The following CAMK2B variants were observed in gnomAD, a reference collection of about 807,000 sequenced individuals.
CAMK2B encodes calcium/calmodulin dependent protein kinase II beta.
Under a neutral mutation model 93.7 loss-of-function variants are expected in CAMK2B, and 27 were observed. That is an observed-to-expected ratio of 0.29 (90% CI 0.21 to 0.40). The LOEUF is 0.40. Among genes scored for constraint, CAMK2B ranks in the 10% least tolerant of loss-of-function variants. The pLI is 1.00. For synonymous variants in CAMK2B, 374 were observed against 358.8 expected (o/e 1.04, Z -0.48); for missense variants, 568 against 895.8 (o/e 0.63, Z 4.67).
intron 5 of CAMK2B, among the ~76,000 whole-genome samples, chr7:44,251,749 C>T (rs1305512199): frequency 6.6e-6 from 1 of 152,208 alleles, no homozygotes; most frequent in Non-Finnish European, 1.5e-5. Flanking sequence ...CCCCATACAC[C>T]AGGGGTGCCC....
intron 10 of CAMK2B, 109 bp downstream of exon 10, chr7:44,242,109 C>T: frequency 7.4e-7 from 1 of 1,352,148 alleles, no homozygotes; most frequent in Non-Finnish European, 1.0e-6. Flanking sequence ...CCCAAGGGAG[C>T]TCTTGGATGT....
intron 13 of CAMK2B, among the ~76,000 whole-genome samples, chr7:44,238,598 C>T (rs1461044445): frequency 6.6e-6 from 1 of 152,226 alleles, no homozygotes; most frequent in Admixed American, 6.5e-5. Context: ...AAGGAGGGTT[C>T]TCTGGCTGGG....
Position 44,228,806 on chromosome 7 carries a change from C to T in CAMK2B, c.1458G>A (p.Leu486=). The T allele has an allele frequency of 6.6e-7, 1 of 1,504,098 alleles. No individual in the cohort carries two copies. Among genetic ancestry groups the T allele is most frequent in the South Asian group, 1.3e-5 (1 of 74,684 alleles). 93.2% of individuals were successfully genotyped at this position (1,504,098 alleles called of 1,614,324 possible). A position where few individuals can be genotyped will look rare whatever the true frequency, so the allele number is the denominator to read the frequency against. The change falls in exon 19 of 24, where the codon CTG becomes CTA. Residue 486 remains leucine (L), a synonymous_variant. Coordinates refer to ENST00000395749, the MANE Select transcript of CAMK2B (RefSeq NM_001220.5). ...PCLSPALLGP[L]SSPSPRISDI... is the part of the protein sequence containing the mutation. ...GGGGCCACTACTTACACGGGGAGGA[C>T]AGGGGGCCTAGGAGAGCCGGAGACA...
At chr7:44,300,783 C>G (rs1789765337) in intron 1 of CAMK2B, among the ~76,000 whole-genome samples, 1 of 152,170 alleles carries the variant, frequency 6.6e-6, no homozygotes, top group African/African-American at 2.4e-5. Flanking sequence ...TCAACTGGCT[C>G]TAACAGACAT....
chr7:44,268,875 A>G (rs2096944386), intron 2 of CAMK2B: 1 of 152,314 alleles, frequency 6.6e-6, no homozygotes, highest in African/African-American at 2.4e-5. Context: ...CACCTGCCAC[A>G]TGCCAGGCAC....
chr7:44,243,467 C>T lies in CAMK2B; in HGVS notation c.475G>A (p.Gly159Ser). 1 of 1,614,130 alleles carries T rather than the reference C, an allele frequency of 6.2e-7. No individual in the cohort carries two copies. The highest frequency in any genetic ancestry group is 8.5e-7 in the Non-Finnish European group (1 of 1,180,012). The stretch of plus-strand genomic sequence containing the variant: ...TCCCCCTGCACCTCGATAGCTAGGC[C>T]GAAGTCTGCCAGCTTCACTGCAGCC... Reference protein sequence around the residue: ...KGAAVKLADFGLAIEVQGDQQ... With the variant: ...KGAAVKLADFSLAIEVQGDQQ... Residue 159 changes from glycine (G) to serine (S), a missense_variant, in exon 7 of 24, where the codon GGC becomes AGC. Physicochemically the swap from Gly to Ser is moderately conservative, Grantham distance 56 (BLOSUM62 0). Transcript: ENST00000395749.
chr7:44,300,098 GC>G (rs1475813695), intron 1 of CAMK2B, among the ~76,000 whole-genome samples: 1 of 150,066 alleles, frequency 6.7e-6, no homozygotes, highest in Non-Finnish European at 1.5e-5. Context: ...TGTCACCCAG[GC>G]TGGAATGCAG....
At chr7:44,287,157 T>C (rs1785356114) in intron 1 of CAMK2B, among the ~76,000 whole-genome samples, 1 of 152,034 alleles carries the variant, frequency 6.6e-6, no homozygotes, top group South Asian at 2.1e-4. Flanking sequence ...ACACCACTGC[T>C]CCCTGCGCCC....
At chr7:44,250,219 TC>T (rs565785485) in intron 5 of CAMK2B, among the ~76,000 whole-genome samples, 19 of 152,334 alleles carry the variant, frequency 1.2e-4, no homozygotes, top group African/African-American at 4.3e-4. Context: ...GGACCTGTCC[TC>T]ATATTGCCCT....
intron 22 of CAMK2B, 126 bp downstream of exon 22, chr7:44,220,490 C>T: frequency 1.1e-6 from 1 of 922,708 alleles, no homozygotes; most frequent in Admixed American, 2.7e-5. Context: ...GGAGAGGTGG[C>T]TGGCCAACCC....
intron 20 of CAMK2B, among the ~76,000 whole-genome samples, chr7:44,221,761 C>T (rs999780672): frequency 1.3e-5 from 2 of 152,244 alleles, no homozygotes; most frequent in African/African-American, 4.8e-5. Flanking sequence ...CATGCTGGTC[C>T]TCACTGGCCT....
intron 13 of CAMK2B, among the ~76,000 whole-genome samples, chr7:44,237,487 C>A (rs923954499): frequency 2.0e-5 from 3 of 152,250 alleles, no homozygotes; most frequent in Non-Finnish European, 4.4e-5. Flanking sequence ...CCCAAACATC[C>A]TTCCTTGTGA....
At chr7:44,281,670 A>T (rs967918876) in intron 2 of CAMK2B, among the ~76,000 whole-genome samples, 1 of 152,054 alleles carries the variant, frequency 6.6e-6, no homozygotes, top group Middle Eastern at 3.4e-3. Context: ...ACCCATAATG[A>T]CACACTCAGG....
chr7:44,255,386 G>A (rs776226746), intron 4 of CAMK2B, among the ~76,000 whole-genome samples: 1 of 152,216 alleles, frequency 6.6e-6, no homozygotes, highest in Non-Finnish European at 1.5e-5. Flanking sequence ...ATGCACGGCA[G>A]GGGAGTAGGA....
intron 3 of CAMK2B, among the ~76,000 whole-genome samples, chr7:44,262,142 C>G (rs1264435692): frequency 6.6e-6 from 1 of 152,228 alleles, no homozygotes; most frequent in African/African-American, 2.4e-5. Context: ...CGGAGCCAGG[C>G]CCAGGTGAGT....
At chr7:44,307,830 A>C (rs1421592561) in intron 1 of CAMK2B, among the ~76,000 whole-genome samples, 2 of 151,954 alleles carry the variant, frequency 1.3e-5, no homozygotes, top group Admixed American at 1.3e-4. Context: ...TTTTTCTGTG[A>C]GCTGTTGCTG....
chr7:44,228,724 G>A, intron 19 of CAMK2B, 72 bp downstream of exon 19: 2 of 1,363,530 alleles, frequency 1.5e-6, no homozygotes, highest in Non-Finnish European at 1.9e-6. Flanking sequence ...CAGGTGGGAA[G>A]CTGCTGAGCG....
rs536807986 is a variant in CAMK2B at position 44,229,591 on chromosome 7, A to C, written c.1226-90T>G. 2.7e-4 allele frequency: 50 copies of C among 186,474 alleles called. 1 individual carries two copies. The South Asian group carries it at 5.9e-3, about 22-fold the overall frequency. The allele number at this position is 186,474 out of a possible 1,614,324, so 11.6% of individuals were successfully genotyped here. On this transcript the variant is annotated intron_variant, in intron 17 of 23. Coordinates refer to ENST00000395749, the MANE Select transcript of CAMK2B (RefSeq NM_001220.5). ...GAAGGACAGGGGGAGGCCAGGAGGGAGGGAGGGGGTGACAGCTGGATACCT... is the reference window on the plus strand; with the variant it reads ...GAAGGACAGGGGGAGGCCAGGAGGGCGGGAGGGGGTGACAGCTGGATACCT...
chr7:44,321,469 C>A (rs1406042668), intron 1 of CAMK2B, among the ~76,000 whole-genome samples: 2 of 152,162 alleles, frequency 1.3e-5, no homozygotes, highest in African/African-American at 2.4e-5. Context: ...AGGGGCCATT[C>A]TTGCTGCCTG....
Sources: gnomAD v4.1 joint callset for allele counts (sites outside exome capture counted in the v4.1 genomes callset) on GRCh38, gnomAD v4.1.1 for gene constraint, MANE v1.5 for transcripts, NCBI Gene and HGNC (gene_info 2026-07-23, HGNC 2026-07-21) for gene names.